ZNF438: variants seen among roughly 807,000 people sequenced by gnomAD.
ZNF438 encodes zinc finger protein 438.
A neutral mutation model predicts 38.0 loss-of-function variants in ZNF438; 25 were observed. That is an observed-to-expected ratio of 0.66 (90% confidence interval 0.48 to 0.92). The LOEUF is 0.92. ZNF438 is among the 40% of genes least tolerant of loss of function. The probability of loss-of-function intolerance (pLI) is 0.00; values close to 1 mark genes in which losing one functional copy is unlikely to be tolerated. For synonymous variants in ZNF438, 372 were observed against 364.1 expected (o/e 1.02, Z -0.25); for missense variants, 1,007 against 999.6 (o/e 1.01, Z -0.10).
At chr10:30,928,428 C>T (rs2045221203) in intron 2 of ZNF438, among the ~76,000 whole-genome samples, 1 of 152,004 alleles carries the variant, frequency 6.6e-6, no homozygotes, top group Admixed American at 6.6e-5. Context: ...AAGACAAAAA[C>T]TAATACTCTA....
intron 1 of ZNF438, among the ~76,000 whole-genome samples, chr10:31,007,032 G>GA: frequency 6.6e-6 from 1 of 152,128 alleles, no homozygotes; most frequent in East Asian, 1.9e-4. Flanking sequence ...ATTAAAACCA[G>GA]AAAAATGGCA....
At chr10:30,846,039 G>A (rs1227558050) in intron 5 of ZNF438, among the ~76,000 whole-genome samples, 2 of 152,166 alleles carry the variant, frequency 1.3e-5, no homozygotes, top group Non-Finnish European at 2.9e-5. Flanking sequence ...AATAAAGGGT[G>A]CCTACCCTAT....
At chr10:30,872,785 AC>A in intron 4 of ZNF438, among the ~76,000 whole-genome samples, 1 of 151,548 alleles carries the variant, frequency 6.6e-6, no homozygotes, top group East Asian at 1.9e-4. Context: ...CTCCAGTAAA[AC>A]AGACTCTCAC....
In ZNF438 at chr10:30,908,565, A is replaced by C. The variant is rs546969755; in HGVS notation, c.-32+368T>G. 8.5e-5 allele frequency among the ~76,000 whole-genome samples: 13 copies of C among 152,298 alleles called. No individual in the cohort carries two copies. The East Asian group carries it at 2.5e-3, about 29-fold the overall frequency. ...ATCTATTCTGAAGAACTCCAAGGAG[A>C]GCAAGGTAGGAAATGAATGCAGCTG... On this transcript the variant is annotated intron_variant, in intron 3 of 5. Coordinates refer to ENST00000413025, the Ensembl canonical transcript of ZNF438.
chr10:30,948,488 G>A (rs1035697072), intron 1 of ZNF438, among the ~76,000 whole-genome samples: 12 of 152,198 alleles, frequency 7.9e-5, no homozygotes, highest in Non-Finnish European at 1.6e-4. Flanking sequence ...AGGCAAAGAA[G>A]TTGAAAACTT....
At chr10:31,009,902 G>A (rs1338098653) in intron 1 of ZNF438, among the ~76,000 whole-genome samples, 1 of 144,258 alleles carries the variant, frequency 6.9e-6, no homozygotes, top group Non-Finnish European at 1.5e-5. Context: ...AGGCTGGAGT[G>A]CAGTGGCTCA....
chr10:30,930,393 C>T (rs777404372), intron 2 of ZNF438, among the ~76,000 whole-genome samples: 87 of 152,154 alleles, frequency 5.7e-4, no homozygotes, highest in Non-Finnish European at 1.0e-3. Context: ...GAGTGCAGTG[C>T]GCAGCCCCGG....
At chr10:30,876,472 A>T (rs2038435672) in intron 4 of ZNF438, among the ~76,000 whole-genome samples, 1 of 152,198 alleles carries the variant, frequency 6.6e-6, no homozygotes, top group African/African-American at 2.4e-5. Flanking sequence ...TGCCTGTTAA[A>T]AAATCATTAT....
chr10:31,009,959 C>T lies in ZNF438; in HGVS notation c.-192+21874G>A, dbSNP rs192831448. On this transcript the variant is annotated intron_variant, in intron 1 of 5. Coordinates refer to ENST00000413025, the Ensembl canonical transcript of ZNF438. Reference sequence around the variant, plus strand: ...CACCTCCCAAGTTCAAGCGATTCTCCTGCCTCAGCCTCCTGAGTAGCTGGG... The same window carrying T: ...CACCTCCCAAGTTCAAGCGATTCTCTTGCCTCAGCCTCCTGAGTAGCTGGG... 8.6e-5 allele frequency among the ~76,000 whole-genome samples: 13 copies of T among 151,540 alleles called. No individual in the cohort carries two copies. The East Asian group carries it at 2.5e-3, about 30-fold the overall frequency.
intron 3 of ZNF438, among the ~76,000 whole-genome samples, chr10:30,892,235 T>A (rs1279967300): frequency 6.8e-6 from 1 of 147,040 alleles, no homozygotes; most frequent in East Asian, 1.9e-4. Flanking sequence ...ACCCTATATA[T>A]ACTGTATTTT....
intron 1 of ZNF438, among the ~76,000 whole-genome samples, chr10:30,943,929 G>A (rs1477299221): frequency 2.6e-5 from 4 of 152,014 alleles, no homozygotes; most frequent in African/African-American, 9.7e-5. Flanking sequence ...AAATTTCTAG[G>A]GAAGTGAAGG....
chr10:30,857,599 C>T (rs2034880025), intron 4 of ZNF438: 1 of 1,136,250 alleles, frequency 8.8e-7, no homozygotes, highest in African/African-American at 1.6e-5. Context: ...TCTGAAAGCC[C>T]ACTTATTAGA....
chr10:30,968,166 C>T (rs2050342801), intron 1 of ZNF438, among the ~76,000 whole-genome samples: 1 of 152,152 alleles, frequency 6.6e-6, no homozygotes, highest in Admixed American at 6.5e-5. Flanking sequence ...TCCAAAGACA[C>T]TTGAAGGATC....
chr10:30,940,115 C>G (rs774394570), intron 2 of ZNF438, among the ~76,000 whole-genome samples: 2 of 152,036 alleles, frequency 1.3e-5, no homozygotes, highest in Non-Finnish European at 2.9e-5. Context: ...GGAACATATG[C>G]ATTTATAAGG....
At chr10:30,984,590 CAT>C (rs996864378) in intron 1 of ZNF438, among the ~76,000 whole-genome samples, 164 bp from the exon 2 acceptor site, 1 of 151,970 alleles carries the variant, frequency 6.6e-6, no homozygotes, top group African/African-American at 2.4e-5. Flanking sequence ...TAGTTGATTA[CAT>C]GTCTTTAGTT....
At chr10:30,963,478 C>T (rs943808497) in intron 1 of ZNF438, among the ~76,000 whole-genome samples, 2 of 150,742 alleles carry the variant, frequency 1.3e-5, no homozygotes, top group African/African-American at 2.4e-5. Flanking sequence ...TGACAAATAT[C>T]GATAGCCACC....
At chr10:30,950,527 G>C (rs897809498) in intron 1 of ZNF438, among the ~76,000 whole-genome samples, 3 of 151,890 alleles carry the variant, frequency 2.0e-5, no homozygotes, top group Non-Finnish European at 2.9e-5. Flanking sequence ...AAAAAAGAGA[G>C]AAGAATCAAT....
At chr10:31,004,349 T>C (rs186932772) in intron 1 of ZNF438, among the ~76,000 whole-genome samples, 27 of 152,282 alleles carry the variant, frequency 1.8e-4, no homozygotes, top group African/African-American at 5.3e-4. Flanking sequence ...AAACCTTTCC[T>C]CTTTTAGATG....
intron 2 of ZNF438, among the ~76,000 whole-genome samples, chr10:30,913,670 A>C (rs1564630640): frequency 6.6e-6 from 1 of 152,116 alleles, no homozygotes; most frequent in Non-Finnish European, 1.5e-5. Context: ...TAGTTGGAAA[A>C]GCAAGCACAG....
Sources: gnomAD v4.1 joint callset for allele counts (sites outside exome capture counted in the v4.1 genomes callset) on GRCh38, gnomAD v4.1.1 for gene constraint, MANE v1.5 for transcripts, NCBI Gene and HGNC (gene_info 2026-07-23, HGNC 2026-07-21) for gene names.